Variants in UNC5C observed in about 807,000 individuals in gnomAD.
The protein encoded by UNC5C is unc-5 netrin receptor C.
In UNC5C, 47 loss-of-function variants were observed where a neutral mutation model predicts 99.8. The ratio of observed to expected loss-of-function variants is 0.47; its 90% confidence interval spans 0.37 to 0.60. The LOEUF is 0.60. Among genes scored for constraint, UNC5C ranks in the 20% least tolerant of loss-of-function variants. The pLI is 0.00. For synonymous variants in UNC5C, 487 were observed against 452.2 expected, an observed-to-expected ratio of 1.08 and a Z score of -0.98; for missense variants, 1,062 against 1,165.9, an observed-to-expected ratio of 0.91 and a Z score of 1.30.
chr4:95,180,009 C>T (rs1288178638), intron 14 of UNC5C, among the ~76,000 whole-genome samples: 1 of 151,522 alleles, frequency 6.6e-6, no homozygotes, highest in Non-Finnish European at 1.5e-5. Context: ...TGACAGACCC[C>T]CCCCACGGAT....
intron 4 of UNC5C, among the ~76,000 whole-genome samples, chr4:95,262,363 A>G (rs1034218439): frequency 6.6e-6 from 1 of 152,186 alleles, no homozygotes; most frequent in Non-Finnish European, 1.5e-5. Context: ...ACACTGTTAC[A>G]ACATAAGTCC....
At chr4:95,395,921 G>A (rs188920382) in intron 1 of UNC5C, among the ~76,000 whole-genome samples, 3 of 152,166 alleles carry the variant, frequency 2.0e-5, no homozygotes, top group South Asian at 2.1e-4. Context: ...GCCTGTCTCT[G>A]GGTCTCATAG....
intron 1 of UNC5C, among the ~76,000 whole-genome samples, chr4:95,352,137 C>G (rs937560116): frequency 6.6e-6 from 1 of 152,098 alleles, no homozygotes; most frequent in African/African-American, 2.4e-5. Flanking sequence ...TTCTTAAAAC[C>G]CTTCAATGCC....
chr4:95,302,686 A>C (rs577562476), intron 2 of UNC5C, among the ~76,000 whole-genome samples: 5 of 152,346 alleles, frequency 3.3e-5, no homozygotes, highest in African/African-American at 1.2e-4. Context: ...GCTTTGGGTC[A>C]AGTATAGGTA....
At position 95,536,024 on chromosome 4, in the gene UNC5C, C is replaced by T. The variant is rs116395071; in HGVS notation, c.124+12710G>A. ...ATAAATAATCAAGTAAGGATCAATC[C>T]ATACTCTAATGTGTTGGCAGTCCAT... On this transcript the variant is annotated intron_variant, in intron 1 of 15. Transcript: ENST00000453304. Among the ~76,000 whole-genome samples, 743 of 150,208 alleles carry T rather than the reference C, an allele frequency of 4.9e-3. 11 individuals are homozygous for T. The highest frequency in any genetic ancestry group is 0.018 in the African/African-American group (719 of 40,988).
intron 5 of UNC5C, 57 bp downstream of exon 5, chr4:95,250,430 C>G: frequency 6.5e-7 from 1 of 1,545,724 alleles, no homozygotes; most frequent in Non-Finnish European, 8.8e-7. Flanking sequence ...TTTACCGATG[C>G]CAACGAGAAA....
intron 4 of UNC5C, among the ~76,000 whole-genome samples, chr4:95,270,599 C>T (rs1418289824): frequency 3.3e-5 from 5 of 152,192 alleles, no homozygotes; most frequent in African/African-American, 1.2e-4. Flanking sequence ...GTTGAACATA[C>T]ATAGGCCATA....
chr4:95,316,806 C>G (rs1742492773), intron 2 of UNC5C, among the ~76,000 whole-genome samples: 1 of 152,016 alleles, frequency 6.6e-6, no homozygotes, highest in African/African-American at 2.4e-5. Flanking sequence ...CTCAAAGTTT[C>G]TTGGTATTCA....
At chr4:95,256,695 A>AATAAATATATATATATATATAAATATAT (rs1553958297) in intron 4 of UNC5C, among the ~76,000 whole-genome samples, 2 of 110,870 alleles carry the variant, frequency 1.8e-5, no homozygotes, top group Non-Finnish European at 3.5e-5. Flanking sequence ...GACAGAACTA[A>AATAAATATATATATATATATAAATATAT]ATAAATATAT....
intron 1 of UNC5C, among the ~76,000 whole-genome samples, chr4:95,470,768 A>G (rs897215935): frequency 6.6e-5 from 10 of 152,170 alleles, no homozygotes; most frequent in African/African-American, 2.4e-4. Flanking sequence ...ATATTTTTAA[A>G]CGATAAAGAA....
At chr4:95,182,312 T>C (rs1418927863) in intron 14 of UNC5C, among the ~76,000 whole-genome samples, 1 of 152,186 alleles carries the variant, frequency 6.6e-6, no homozygotes, top group Non-Finnish European at 1.5e-5. Context: ...TTGTGGCATA[T>C]TTCCCCCATC....
intron 7 of UNC5C, among the ~76,000 whole-genome samples, chr4:95,223,520 C>T (rs1039189731): frequency 8.5e-5 from 13 of 152,198 alleles, no homozygotes; most frequent in African/African-American, 2.9e-4. Flanking sequence ...GGAACTAATT[C>T]TGGAGAAACA....
intron 2 of UNC5C, among the ~76,000 whole-genome samples, chr4:95,326,758 A>G (rs1038645367): frequency 7.2e-5 from 11 of 152,318 alleles, no homozygotes; most frequent in African/African-American, 2.6e-4. Context: ...TTTGCTTCCT[A>G]TTTAATGATT....
chr4:95,291,889 G>A (rs554967340), intron 3 of UNC5C, among the ~76,000 whole-genome samples: 35 of 151,980 alleles, frequency 2.3e-4, no homozygotes, highest in African/African-American at 8.4e-4. Flanking sequence ...GTTATACAAG[G>A]TATCATACTA....
chr4:95,201,031 G>C (rs1053827936), intron 12 of UNC5C, among the ~76,000 whole-genome samples: 12 of 152,156 alleles, frequency 7.9e-5, no homozygotes, highest in Non-Finnish European at 1.8e-4. Flanking sequence ...CACCACGTGA[G>C]GACACAGCAA....
chr4:95,487,104 G>A (rs1027784070), intron 1 of UNC5C, among the ~76,000 whole-genome samples: 2 of 151,620 alleles, frequency 1.3e-5, no homozygotes, highest in African/African-American at 4.8e-5. Flanking sequence ...GAACCATGAG[G>A]CAATAAATTC....
chr4:95,398,747 T>C (rs1745599413), intron 1 of UNC5C, among the ~76,000 whole-genome samples: 3 of 152,176 alleles, frequency 2.0e-5, no homozygotes, highest in African/African-American at 7.2e-5. Flanking sequence ...TAAGGTTTAG[T>C]CTGTGCCTTC....
Position 95,332,632 on chromosome 4 carries a change from A to C in UNC5C, c.346+2778T>G, listed in dbSNP as rs1017573041. On this transcript the variant is annotated intron_variant, in intron 2 of 15. Transcript: ENST00000453304. ...GCATAAAAACCCTAGAAGAAAACCT[A>C]GGCATTACCATTCAGGACATAGGCA... Among the ~76,000 whole-genome samples, 15 of 151,334 alleles carry C rather than the reference A, an allele frequency of 9.9e-5. 1 individual carries two copies. The highest frequency in any genetic ancestry group is 3.6e-4 in the African/African-American group (15 of 41,452).
chr4:95,355,416 T>C (rs1161155835), intron 1 of UNC5C, among the ~76,000 whole-genome samples: 1 of 152,140 alleles, frequency 6.6e-6, no homozygotes, highest in East Asian at 1.9e-4. Flanking sequence ...ACCAGTAATG[T>C]CTTTTCTCTC....
Sources: gnomAD v4.1 joint callset for allele counts (sites outside exome capture counted in the v4.1 genomes callset) on GRCh38, gnomAD v4.1.1 for gene constraint, MANE v1.5 for transcripts, NCBI Gene and HGNC (gene_info 2026-07-23, HGNC 2026-07-21) for gene names.